Variants in RSBN1L observed in about 807,000 individuals in gnomAD.
The protein encoded by RSBN1L is round spermatid basic protein 1 like.
In RSBN1L, 30 loss-of-function variants were observed where a neutral mutation model predicts 67.7. That is an observed-to-expected ratio of 0.44 (90% CI 0.33 to 0.60). The LOEUF is 0.60. Among genes scored for constraint, RSBN1L ranks in the 20% least tolerant of loss-of-function variants. RSBN1L has a pLI of 0.02. For missense variants in RSBN1L, 992 were observed against 1,031.7 expected (o/e 0.96, Z 0.53); for synonymous variants, 433 against 387.0 (o/e 1.12, Z -1.39).
intron 1 of RSBN1L, among the ~76,000 whole-genome samples, chr7:77,714,561 C>T (rs1791020794): frequency 6.6e-6 from 1 of 151,988 alleles, no homozygotes; most frequent in African/African-American, 2.4e-5. Flanking sequence ...AGTAGTAATT[C>T]CTTTTGTGGA....
At chr7:77,768,087 C>T (rs1305658694) in intron 4 of RSBN1L, among the ~76,000 whole-genome samples, 1 of 150,396 alleles carries the variant, frequency 6.6e-6, no homozygotes, top group East Asian at 2.0e-4. Flanking sequence ...GATATCTTGA[C>T]CTTGTGATCC....
intron 1 of RSBN1L, among the ~76,000 whole-genome samples, chr7:77,704,991 TTG>T (rs138276295): frequency 2.7e-5 from 4 of 149,136 alleles, no homozygotes; most frequent in African/African-American, 5.0e-5. Context: ...AAAAAAAAAG[TTG>T]TGTGTGTGTG....
intron 3 of RSBN1L, among the ~76,000 whole-genome samples, chr7:77,756,394 A>G (rs1791617657): frequency 6.6e-6 from 1 of 151,948 alleles, no homozygotes; most frequent in Admixed American, 6.6e-5. Flanking sequence ...CGGCCTCCCA[A>G]AGTCTTGGGT....
At position 77,765,753 on chromosome 7, in the gene RSBN1L, G is replaced by C. The variant is rs940312136; in HGVS notation, c.1482+121G>C. 5.1e-5 allele frequency: 36 copies of C among 704,476 alleles called. No individual in the cohort carries two copies. The Admixed American group carries it at 1.1e-3, about 21-fold the overall frequency. 43.6% of individuals were successfully genotyped at this position (704,476 alleles called of 1,614,324 possible). ...CTACATGCAATATAAATGAATGGCTGTTTCAGAAATAGAAACGTTTTGGTT... is the reference window on the plus strand; with the variant it reads ...CTACATGCAATATAAATGAATGGCTCTTTCAGAAATAGAAACGTTTTGGTT... On this transcript the variant is annotated intron_variant, in intron 4 of 7. Coordinates refer to ENST00000334955, the MANE Select transcript of RSBN1L (RefSeq NM_198467.3).
At chr7:77,744,195 C>G (rs972941750) in intron 2 of RSBN1L, among the ~76,000 whole-genome samples, 1 of 150,900 alleles carries the variant, frequency 6.6e-6, no homozygotes, top group Non-Finnish European at 1.5e-5. Context: ...ACATGCCCAG[C>G]TAATTAAAAA....
In RSBN1L at chr7:77,749,816, A is replaced by G; in HGVS notation, c.1096A>G (p.Ser366Gly). ...NGGASVIHAY[S>G]NELSHLSPME... ...AGGTGCATCGGTTATCCATGCCTAC[A>G]GTAACGAACTCTCCCACCTGTCTCC... is the stretch of plus-strand genomic sequence containing the variant. The change falls in exon 3 of 8, where the codon AGT becomes GGT. Residue 366 changes from serine (S) to glycine (G), a missense_variant. Physicochemically the swap from Ser to Gly is moderately conservative, Grantham distance 56 (BLOSUM62 0). This residue lies in a region of RSBN1L where 575 missense variants were observed against 483.2 expected (regional missense o/e 1.19). Transcript: ENST00000334955. The G allele has an allele frequency of 6.2e-7, 1 of 1,614,240 alleles. No homozygotes were observed. Among genetic ancestry groups the G allele is most frequent in the Non-Finnish European group, 8.5e-7 (1 of 1,180,044 alleles).
chr7:77,703,504 T>C (rs1340823722), intron 1 of RSBN1L, among the ~76,000 whole-genome samples: 1 of 119,278 alleles, frequency 8.4e-6, no homozygotes, highest in Non-Finnish European at 1.8e-5. Context: ...TTTTTTTTTT[T>C]TTTGAGAAGG....
chr7:77,708,385 A>ATT lies in RSBN1L; in HGVS notation c.586+11344_586+11345dup, dbSNP rs67403786. Reference sequence around the variant, plus strand: ...GCCTTCCTTTTGCCAGGATGAGACTATTTTTTTTTTTTTTTGAGATAAGTC... The same window carrying ATT: ...GCCTTCCTTTTGCCAGGATGAGACTATTTTTTTTTTTTTTTTTGAGATAAGTC... On this transcript the variant is annotated intron_variant, in intron 1 of 7. Coordinates refer to ENST00000334955, the MANE Select transcript of RSBN1L (RefSeq NM_198467.3). Among the ~76,000 whole-genome samples the ATT allele has an allele frequency of 4.9e-3, 693 of 142,362 alleles. 2 individuals carry two copies. Among genetic ancestry groups the ATT allele is most frequent in the African/African-American group, 0.015 (562 of 38,244 alleles). The allele number at this position is 142,362 out of a possible 152,430, so 93.4% of individuals were successfully genotyped here.
At chr7:77,772,260 T>G (rs1198563459) in intron 5 of RSBN1L, among the ~76,000 whole-genome samples, 1 of 151,902 alleles carries the variant, frequency 6.6e-6, no homozygotes, top group Non-Finnish European at 1.5e-5. Context: ...GGTGGGAAAG[T>G]AGAGAACCAG....
chr7:77,722,768 G>A (rs1280548786), intron 1 of RSBN1L, among the ~76,000 whole-genome samples: 1 of 151,842 alleles, frequency 6.6e-6, no homozygotes, highest in African/African-American at 2.4e-5. Context: ...ATGTAAGAGA[G>A]GGAAGGTGGG....
At chr7:77,742,911 G>C (rs1201676185) in intron 2 of RSBN1L, among the ~76,000 whole-genome samples, 1 of 152,182 alleles carries the variant, frequency 6.6e-6, no homozygotes, top group Non-Finnish European at 1.5e-5. Context: ...TTATGGAATG[G>C]GGGGAACCCT....
chr7:77,724,268 A>AT (rs915940339), intron 1 of RSBN1L, among the ~76,000 whole-genome samples: 13 of 150,914 alleles, frequency 8.6e-5, no homozygotes, highest in South Asian at 2.1e-4. Flanking sequence ...TTTACTTTGA[A>AT]TTTTTTTTTC....
intron 2 of RSBN1L, among the ~76,000 whole-genome samples, chr7:77,739,117 T>TG (rs1791374549): frequency 6.6e-6 from 1 of 152,194 alleles, no homozygotes; most frequent in Admixed American, 6.5e-5. Context: ...GCTTAGTATG[T>TG]GGGGCCATTT....
In RSBN1L at chr7:77,709,186, GTGTGTGTGTGTA is replaced by G. The variant is rs1316998646; in HGVS notation, c.586+12135_586+12146del. 1.1e-3 allele frequency among the ~76,000 whole-genome samples: 150 copies of G among 131,110 alleles called. 1 individual carries two copies. The highest frequency in any genetic ancestry group is 4.1e-3 in the African/African-American group (129 of 31,744). 86.0% of individuals were successfully genotyped at this position (131,110 alleles called of 152,430 possible). ...TGTGTGTGTGTGTGTGTGTGTGTGT[GTGTGTGTGTGTA>G]TGTATGTGTATGTGTATGTGTGTCT... On this transcript the variant is annotated intron_variant, in intron 1 of 7. Coordinates refer to ENST00000334955, the MANE Select transcript of RSBN1L (RefSeq NM_198467.3).
rs777899533 is a variant in RSBN1L, at chr7:77,749,457, A to T, written c.737A>T (p.Asp246Val). 2.5e-6 allele frequency: 4 copies of T among 1,576,634 alleles called. No individual in the cohort carries two copies. In the Admixed American group the frequency reaches 8.3e-5, roughly 33 times the overall value. ...GKEKPKTNIE[D>V]LQIKKVKKKK... is the part of the protein sequence containing the mutation. ...GAGAAACCAAAAACAAATATAGAAG[A>T]CTTACAAATTAAAAAGGTAAAGAAG... Residue 246 changes from aspartate (D) to valine (V), a missense_variant, in exon 3 of 8, where the codon GAC (aspartate) becomes GTC (valine). Asp to Val is a radical substitution (Grantham distance 152). This residue lies in a region of RSBN1L where 575 missense variants were observed against 483.2 expected (regional missense o/e 1.19). Transcript: ENST00000334955.
intron 3 of RSBN1L, among the ~76,000 whole-genome samples, chr7:77,761,927 C>G (rs1791701508): frequency 6.6e-6 from 1 of 151,954 alleles, no homozygotes; most frequent in South Asian, 2.1e-4. Flanking sequence ...ATCATTTTAT[C>G]TTTACTGTTG....
rs149979297 is a variant in RSBN1L, at chr7:77,712,305, C to T, written c.586+15250C>T. Among the ~76,000 whole-genome samples the T allele has an allele frequency of 3.1e-3, 452 of 148,042 alleles. 5 individuals are homozygous for T. Among genetic ancestry groups the T allele is most frequent in the South Asian group, 4.2e-3 (20 of 4,718 alleles). On this transcript the variant is annotated intron_variant, in intron 1 of 7. Transcript: ENST00000334955. ...ATACATGATTTTTTTTTTTTTGAGACGGAGTTTCGCTCTGTTATCCAGGCT... is the reference window on the plus strand; with the variant it reads ...ATACATGATTTTTTTTTTTTTGAGATGGAGTTTCGCTCTGTTATCCAGGCT...
At chr7:77,744,309 T>G (rs904733746) in intron 2 of RSBN1L, among the ~76,000 whole-genome samples, 4 of 152,218 alleles carry the variant, frequency 2.6e-5, no homozygotes, top group Non-Finnish European at 5.9e-5. Flanking sequence ...ATGCTGGGAT[T>G]ACAGGTGTGA....
intron 3 of RSBN1L, among the ~76,000 whole-genome samples, chr7:77,758,420 G>C (rs1361586943): frequency 6.6e-6 from 1 of 152,182 alleles, no homozygotes; most frequent in Admixed American, 6.5e-5. Context: ...ATACAAGCAT[G>C]CAATATGAAA....
Sources: gnomAD v4.1 joint callset for allele counts (sites outside exome capture counted in the v4.1 genomes callset) on GRCh38, gnomAD v4.1.1 for gene constraint, gnomAD v4.1.1 regional missense constraint, MANE v1.5 for transcripts, NCBI Gene and HGNC (gene_info 2026-07-23, HGNC 2026-07-21) for gene names.